The following ASPG variants were observed in gnomAD, a reference collection of about 807,000 sequenced individuals.
The protein encoded by ASPG is 60 kDa lysophospholipase.
ASPG carries 53 observed loss-of-function variants against 63.2 expected under a neutral mutation model. The observed-to-expected ratio is 0.84, with a 90% CI of 0.67 to 1.05. ASPG has a LOEUF of 1.05. ASPG is among the 50% of genes least tolerant of loss of function. The probability of loss-of-function intolerance (pLI) is 0.00; values close to 1 mark genes in which losing one functional copy is unlikely to be tolerated. For missense variants in ASPG, 741 were observed against 794.4 expected (o/e 0.93, Z 0.81); for synonymous variants, 370 against 355.0 (o/e 1.04, Z -0.48).
intron 15 of ASPG, 37 bp downstream of exon 15, chr14:104,112,037 G>A (rs962282634): frequency 6.5e-7 from 1 of 1,534,172 alleles, no homozygotes; most frequent in Admixed American, 2.0e-5. Context: ...ACACCCCCCA[G>A]TGAGCTTCTA....
At chr14:104,111,471 C>G (rs1326487560) in intron 13 of ASPG, 31 bp from the exon 14 acceptor site, 1 of 1,530,810 alleles carries the variant, frequency 6.5e-7, no homozygotes, top group South Asian at 1.2e-5. Flanking sequence ...CCAGCAGGCC[C>G]CAACAACTCC....
At chr14:104,102,321 C>T (rs2036914113) in intron 6 of ASPG, among the ~76,000 whole-genome samples, 1 of 152,150 alleles carries the variant, frequency 6.6e-6, no homozygotes, top group Non-Finnish European at 1.5e-5. Context: ...CCTTCAGCTC[C>T]ACCATGCCAG....
At chr14:104,099,316 CCT>C (rs1312624106) in intron 6 of ASPG, among the ~76,000 whole-genome samples, 1 of 152,230 alleles carries the variant, frequency 6.6e-6, no homozygotes, top group East Asian at 1.9e-4. Flanking sequence ...CTCTGCCACA[CCT>C]CTGTGTGCCG....
chr14:104,107,190 C>T lies in ASPG; in HGVS notation c.1278C>T (p.Asp426=), dbSNP rs369081693. Residue 426 remains aspartate, a synonymous_variant, in exon 12 of 16, where the codon GAC becomes GAT. Transcript: ENST00000551177. ...TCCTTGTGTTACTCCAGGGCAGTGA[C>T]CTGGGCCTGGTGGACTTTAACGGCC... ...ALQALVELGS[D]LGLVDFNGQT... 1 of 1,573,532 alleles carries T rather than the reference C, an allele frequency of 6.4e-7. No individual in the cohort carries two copies. Among genetic ancestry groups the T allele is most frequent in the Non-Finnish European group, 8.6e-7 (1 of 1,158,254 alleles).
rs1387440285 is a variant in ASPG at position 104,107,266 on chromosome 14, A to G, written c.1354A>G (p.Met452Val). Residue 452 changes from methionine (M) to valine (V), a missense_variant, in exon 12 of 16, where the codon ATG (methionine) becomes GTG (valine). Coordinates refer to ENST00000551177, the MANE Select transcript of ASPG (RefSeq NM_001080464.3). ...GGGAGGCCACACAGAGGCAGTCACC[A>G]TGCTGCTGCAGAGAGGTGTGGACGT... ...ARGGHTEAVTMLLQRGVDVNT... is the reference protein window; with the variant it reads ...ARGGHTEAVTVLLQRGVDVNT... The G allele has an allele frequency of 1.2e-6, 2 of 1,609,492 alleles. No individual in the cohort carries two copies. The highest frequency in any genetic ancestry group is 1.7e-6 in the Non-Finnish European group (2 of 1,177,928).
rs1460121135 is a variant in ASPG, at chr14:104,104,291, C to G, written c.754-13C>G. The G allele has an allele frequency of 2.5e-6, 4 of 1,606,282 alleles. No homozygotes were observed. The highest frequency in any genetic ancestry group is 3.4e-6 in the Non-Finnish European group (4 of 1,175,742). ...GACCCTCACCATCCAGCCCCCACCCCACCGCCCCACAGGTTCGGGCCTTCT... is the reference window on the plus strand; with the variant it reads ...GACCCTCACCATCCAGCCCCCACCCGACCGCCCCACAGGTTCGGGCCTTCT... On this transcript the variant is annotated splice_polypyrimidine_tract_variant and intron_variant, in intron 7 of 15. Coordinates refer to ENST00000551177, the MANE Select transcript of ASPG (RefSeq NM_001080464.3).
intron 1 of ASPG, among the ~76,000 whole-genome samples, chr14:104,092,160 G>C (rs955497310): frequency 4.6e-5 from 7 of 152,180 alleles, no homozygotes; most frequent in African/African-American, 1.7e-4. Flanking sequence ...GGGCATCTGG[G>C]AGGGCTTCCT....
Position 104,107,234 on chromosome 14 carries a change from C to A in ASPG, c.1322C>A (p.Ala441Asp). 6.2e-7 allele frequency: 1 copy of A among 1,605,638 alleles called. No homozygotes were observed. The highest frequency in any genetic ancestry group is 8.5e-7 in the Non-Finnish European group (1 of 1,175,548). The change falls in exon 12 of 16, where the codon GCC becomes GAC. Residue 441 changes from alanine (A) to aspartate (D), a missense_variant. Ala to Asp is a moderately radical substitution (Grantham distance 126). Coordinates refer to ENST00000551177, the MANE Select transcript of ASPG (RefSeq NM_001080464.3). ...AACGGCCAAACCCCACTGCACGCGG[C>A]CGCCCGGGGAGGCCACACAGAGGCA... ...DFNGQTPLHA[A>D]ARGGHTEAVT...
chr14:104,093,654 AGGTGTGTGGGTGGGGCTGTGGTGTGTGGG>A, intron 3 of ASPG, 52 bp downstream of exon 3: 1 of 361,334 alleles, frequency 2.8e-6, no homozygotes, highest in South Asian at 5.1e-5. Flanking sequence ...GGTGGGGCTG[AGGTGTGTGGGTGGGGCTGTGGTGTGTGGG>A]TGGGGCTGTG....
intron 3 of ASPG, among the ~76,000 whole-genome samples, chr14:104,095,319 G>A (rs1196341716): frequency 2.0e-5 from 3 of 152,198 alleles, no homozygotes; most frequent in Non-Finnish European, 4.4e-5. Flanking sequence ...GTGCACCCGA[G>A]TGGCATGGAA....
Position 104,097,636 on chromosome 14 carries a change from AG to A in ASPG, c.513+1del, listed in dbSNP as rs1348615978. ...ATGGCTGGCCAGTATGTGATCCCAGAGGTACCTGCCTGGTGCACGTGGAGGC... is the reference window on the plus strand; with the variant it reads ...ATGGCTGGCCAGTATGTGATCCCAGAGTACCTGCCTGGTGCACGTGGAGGC... ...LLMAGQYVIP[E>X]VCLFFQNQLF... On this transcript the variant is annotated frameshift_variant and splice_region_variant, in exon 5 of 16. Coordinates refer to ENST00000551177, the MANE Select transcript of ASPG (RefSeq NM_001080464.3). LOFTEE classifies it high-confidence loss of function. The A allele has an allele frequency of 6.4e-7, 1 of 1,561,708 alleles. No individual in the cohort carries two copies. Among genetic ancestry groups the A allele is most frequent in the Non-Finnish European group, 8.7e-7 (1 of 1,153,986 alleles).
Position 104,105,181 on chromosome 14 carries a change from G to A in ASPG, c.1051-147G>A, listed in dbSNP as rs1053715689. 2.4e-4 allele frequency: 308 copies of A among 1,296,548 alleles called. 1 individual carries two copies. The highest frequency in any genetic ancestry group is 9.2e-4 in the East Asian group (37 of 40,052). 80.3% of individuals were successfully genotyped at this position (1,296,548 alleles called of 1,614,324 possible). A position where few individuals can be genotyped will look rare whatever the true frequency, so the allele number is the denominator to read the frequency against. On this transcript the variant is annotated intron_variant, in intron 9 of 15. Transcript: ENST00000551177. Reference sequence around the variant, plus strand: ...CTGGCCTTGGGAGGGGACCCAGCCCGCTCTGGCCCGAGGGATGAAGCACAC... The same window carrying A: ...CTGGCCTTGGGAGGGGACCCAGCCCACTCTGGCCCGAGGGATGAAGCACAC...
At position 104,104,396 on chromosome 14, in the gene ASPG, G is replaced by A. The variant is rs200885516; in HGVS notation, c.846G>A (p.Glu282=). Residue 282 remains glutamate (E), a synonymous_variant, in exon 8 of 16, where the codon GAG becomes GAA. Transcript: ENST00000551177. ...NGPTKPDLLQ[E]LRVATERGLV... is the part of the protein sequence containing the mutation. Reference sequence around the variant, plus strand: ...CCACCAAGCCCGACCTGCTGCAGGAGCTGCGGGTGGCCACCGAGCGCGGCC... The same window carrying A: ...CCACCAAGCCCGACCTGCTGCAGGAACTGCGGGTGGCCACCGAGCGCGGCC... The A allele has an allele frequency of 1.2e-4, 196 of 1,612,610 alleles. No individual in the cohort carries two copies. In the African/African-American group the frequency reaches 2.0e-3, roughly 16 times the overall value.
Position 104,112,642 on chromosome 14 carries a change from CT to C in ASPG, c.*99del, listed in dbSNP as rs2037415015. On this transcript the variant is annotated 3_prime_UTR_variant, in exon 16 of 16. Transcript: ENST00000551177. ...CCCACTGCTGGGGCTGCTTCCCAGCCTGCTCTCATGTAAAGCCTGAAGGCCT... is the reference window on the plus strand; with the variant it reads ...CCCACTGCTGGGGCTGCTTCCCAGCCGCTCTCATGTAAAGCCTGAAGGCCT... 2 of 1,556,446 alleles carry C rather than the reference CT, an allele frequency of 1.3e-6. No homozygotes were observed. Among genetic ancestry groups the C allele is most frequent in the East Asian group, 4.7e-5 (2 of 42,474 alleles).
intron 15 of ASPG, 24 bp from the exon 16 acceptor site, chr14:104,112,500 T>G (rs2037411385): frequency 7.6e-7 from 1 of 1,313,602 alleles, no homozygotes; most frequent in South Asian, 1.2e-5. Context: ...TGGGTGTCCT[T>G]CTCAGGAGCC....
chr14:104,086,938 A>G (rs1257706323), intron 1 of ASPG, among the ~76,000 whole-genome samples: 1 of 151,926 alleles, frequency 6.6e-6, no homozygotes, highest in Non-Finnish European at 1.5e-5. Flanking sequence ...TCCCTTGCCC[A>G]TCTGCCAACC....
rs1185025927 is a variant in ASPG, at chr14:104,091,731, T to C, written c.83-902T>C. On this transcript the variant is annotated intron_variant, in intron 1 of 15. Transcript: ENST00000551177. The surrounding 1 kb of genome is among the most constrained non-coding windows in gnomAD (Gnocchi z 6.4). ...TTGTGAGCCAGTGATAGGCGATGGGTACAGCTGCAGAGGGCGAGGGGGGAA... is the reference window on the plus strand; with the variant it reads ...TTGTGAGCCAGTGATAGGCGATGGGCACAGCTGCAGAGGGCGAGGGGGGAA... 6.8e-6 allele frequency among the ~76,000 whole-genome samples: 1 copy of C among 148,092 alleles called. No individual in the cohort carries two copies. Among genetic ancestry groups the C allele is most frequent in the Non-Finnish European group, 1.5e-5 (1 of 67,466 alleles).
rs530293590 is a variant in ASPG, at chr14:104,089,248, C to A, written c.83-3385C>A. Among the ~76,000 whole-genome samples the A allele has an allele frequency of 4.9e-4, 75 of 152,196 alleles. 2 individuals are homozygous for A. The highest frequency in any genetic ancestry group is 1.8e-3 in the African/African-American group (73 of 41,536). On this transcript the variant is annotated intron_variant, in intron 1 of 15. Coordinates refer to ENST00000551177, the MANE Select transcript of ASPG (RefSeq NM_001080464.3). ...CCCCAGCTGACTGGGCGCGGTGGCT[C>A]ACACCTGTAATCCCAGCACTTTGGG...
Position 104,109,277 on chromosome 14 carries a change from C to A in ASPG, c.1482C>A (p.Ser494=). The A allele has an allele frequency of 6.2e-7, 1 of 1,613,012 alleles. No homozygotes were observed. Among genetic ancestry groups the A allele is most frequent in the South Asian group, 1.1e-5 (1 of 90,844 alleles). Residue 494 remains serine, a synonymous_variant, in exon 13 of 16, where the codon TCC becomes TCA. Coordinates refer to ENST00000551177, the MANE Select transcript of ASPG (RefSeq NM_001080464.3). The surrounding 1 kb of genome is among the most constrained non-coding windows in gnomAD (Gnocchi z 4.8). ...GLLREAGASL[S]TQELEEAGTE... ...TGCGGGAAGCCGGGGCCTCCCTGTC[C>A]ACCCAGGAGCTGGAGGAAGCAGGGA...
Sources: gnomAD v4.1 joint callset for allele counts (sites outside exome capture counted in the v4.1 genomes callset) on GRCh38, gnomAD v4.1.1 for gene constraint, Gnocchi (gnomAD v3.1) non-coding constraint, MANE v1.5 for transcripts, NCBI Gene and HGNC (gene_info 2026-07-23, HGNC 2026-07-21) for gene names.